The following AUH variants were observed in gnomAD, a reference collection of about 807,000 sequenced individuals.
AUH encodes AU RNA binding methylglutaconyl-CoA hydratase, also known as methylglutaconyl-CoA hydratase, mitochondrial.
A neutral mutation model predicts 42.3 loss-of-function variants in AUH; 29 were observed. That is an observed-to-expected ratio of 0.69 (90% CI 0.51 to 0.93). AUH has a LOEUF of 0.93. AUH is among the 40% of genes least tolerant of loss of function. AUH has a pLI of 0.00. For missense variants in AUH, 452 were observed against 438.1 expected (o/e 1.03, Z -0.28); for synonymous variants, 174 against 166.4 (o/e 1.05, Z -0.35).
chr9:91,312,112 G>T (rs1461366059), intron 4 of AUH, among the ~76,000 whole-genome samples: 1 of 151,748 alleles, frequency 6.6e-6, no homozygotes, highest in Non-Finnish European at 1.5e-5. Context: ...AGTAAATTTA[G>T]TGACTCTGAA....
rs1487098644 is a variant in AUH, at chr9:91,213,901, T to C, written c.*447A>G. 6.3e-6 allele frequency: 1 copy of C among 157,518 alleles called. No homozygotes were observed. The highest frequency in any genetic ancestry group is 2.4e-5 in the African/African-American group (1 of 41,500). The allele number at this position is 157,518 out of a possible 1,614,324, so 9.8% of individuals were successfully genotyped here. On this transcript the variant is annotated 3_prime_UTR_variant, in exon 10 of 10. Transcript: ENST00000375731. ...TTCATTTTTCAGGTTTAGATATATG[T>C]ATATGTAGCTGTTCGTATGCATTAA...
At chr9:91,217,187 T>G in intron 8 of AUH, 90 bp downstream of exon 8, 1 of 1,374,830 alleles carries the variant, frequency 7.3e-7, no homozygotes, top group South Asian at 1.2e-5. Flanking sequence ...TTTAGAACTT[T>G]AAAAAAAATG....
Position 91,357,161 on chromosome 9 carries a change from T to A in AUH, c.263-1006A>T, listed in dbSNP as rs567148762. ...TCTGACAGGATCTGTATTAAACAGC[T>A]GAATGACTTTGGGTAGGTCCCAATA... On this transcript the variant is annotated intron_variant, in intron 1 of 9. Coordinates refer to ENST00000375731, the MANE Select transcript of AUH (RefSeq NM_001698.3). Among the ~76,000 whole-genome samples, 81 of 152,332 alleles carry A rather than the reference T, an allele frequency of 5.3e-4. 1 individual carries two copies. Among genetic ancestry groups the A allele is most frequent in the Admixed American group, 5.2e-3 (80 of 15,298 alleles).
chr9:91,344,237 A>G (rs900925601), intron 3 of AUH, among the ~76,000 whole-genome samples: 1 of 152,218 alleles, frequency 6.6e-6, no homozygotes, highest in Non-Finnish European at 1.5e-5. Context: ...ACTGCCTTTC[A>G]CTGATTCCAG....
intron 4 of AUH, among the ~76,000 whole-genome samples, chr9:91,308,034 G>A (rs575880437): frequency 6.6e-6 from 1 of 152,190 alleles, no homozygotes; most frequent in African/African-American, 2.4e-5. Flanking sequence ...AAAATACAAC[G>A]CTTAACATTA....
chr9:91,265,634 C>G (rs568148730), intron 6 of AUH, among the ~76,000 whole-genome samples: 1 of 152,268 alleles, frequency 6.6e-6, no homozygotes, highest in East Asian at 1.9e-4. Flanking sequence ...GCAGGCTTTA[C>G]TTGATATGAA....
intron 6 of AUH, among the ~76,000 whole-genome samples, chr9:91,290,762 C>T (rs34805232): frequency 0.083 from 12,668 of 152,160 alleles, 741 homozygotes; most frequent in Admixed American, 0.12. Context: ...TGCTCTCTAT[C>T]TTCTGGTAGT....
intron 4 of AUH, among the ~76,000 whole-genome samples, chr9:91,319,384 G>A (rs561064066): frequency 1.3e-5 from 2 of 152,308 alleles, no homozygotes; most frequent in East Asian, 3.9e-4. Context: ...GACACGAGCA[G>A]AGTTGGAAAG....
chr9:91,239,161 T>TTC (rs1443761439), intron 6 of AUH, among the ~76,000 whole-genome samples: 2 of 151,256 alleles, frequency 1.3e-5, no homozygotes, highest in African/African-American at 4.8e-5. Context: ...GTTCTGTTTT[T>TTC]TTTTTTTATC....
chr9:91,296,002 G>A lies in AUH; in HGVS notation c.655+19C>T, dbSNP rs1439665281. The A allele has an allele frequency of 1.2e-6, 2 of 1,613,650 alleles. No individual in the cohort carries two copies. The highest frequency in any genetic ancestry group is 2.2e-5 in the East Asian group (1 of 44,822). The stretch of plus-strand genomic sequence containing the variant: ...GGACCAAATCAAGGATTTGAGGAAT[G>A]GGCGTGAACTACTCATACCTCCACC... On this transcript the variant is annotated intron_variant, in intron 6 of 9. Coordinates refer to ENST00000375731, the MANE Select transcript of AUH (RefSeq NM_001698.3).
chr9:91,274,699 A>T lies in AUH; in HGVS notation c.655+21322T>A, dbSNP rs555169702. On this transcript the variant is annotated intron_variant, in intron 6 of 9. Transcript: ENST00000375731. ...AAATAAATCTTTATGTAGGTTAACA[A>T]CAACAAGATGAAAGTGAACTTCAGA... Among the ~76,000 whole-genome samples, 65 of 152,340 alleles carry T rather than the reference A, an allele frequency of 4.3e-4. 1 individual carries two copies. Among genetic ancestry groups the T allele is most frequent in the African/African-American group, 1.5e-3 (62 of 41,578 alleles).
At chr9:91,349,381 A>G (rs190873621) in intron 3 of AUH, among the ~76,000 whole-genome samples, 18 of 152,374 alleles carry the variant, frequency 1.2e-4, no homozygotes, top group Non-Finnish European at 2.1e-4. Context: ...AAATTTCAAA[A>G]GAAAAAATCC....
intron 3 of AUH, among the ~76,000 whole-genome samples, chr9:91,329,957 C>T (rs1481397012): frequency 1.3e-5 from 2 of 152,044 alleles, no homozygotes; most frequent in African/African-American, 4.8e-5. Flanking sequence ...AGGGTGTTCC[C>T]TAACACTTTT....
chr9:91,217,247 C>G (rs1463628458), intron 8 of AUH, 30 bp downstream of exon 8: 2 of 1,606,234 alleles, frequency 1.2e-6, no homozygotes, highest in African/African-American at 2.7e-5. Context: ...TCTCCATTCC[C>G]AAAACAAACT....
At chr9:91,263,275 G>A (rs1304965169) in intron 6 of AUH, among the ~76,000 whole-genome samples, 1 of 152,168 alleles carries the variant, frequency 6.6e-6, no homozygotes, top group African/African-American at 2.4e-5. Context: ...ATTCAGGGCT[G>A]AATTTCACAC....
intron 6 of AUH, among the ~76,000 whole-genome samples, chr9:91,223,557 CCTG>C (rs796121787): frequency 5.9e-5 from 9 of 152,162 alleles, no homozygotes; most frequent in African/African-American, 2.2e-4. Flanking sequence ...TCTTCAAGAC[CCTG>C]CTTTCAATTC....
chr9:91,338,966 T>C (rs1830903045), intron 3 of AUH, among the ~76,000 whole-genome samples: 1 of 152,186 alleles, frequency 6.6e-6, no homozygotes, highest in Non-Finnish European at 1.5e-5. Context: ...ACCATATTAA[T>C]ATTTCATATA....
At chr9:91,242,589 G>C (rs1828581524) in intron 6 of AUH, among the ~76,000 whole-genome samples, 1 of 152,198 alleles carries the variant, frequency 6.6e-6, no homozygotes, top group East Asian at 1.9e-4. Flanking sequence ...AGTCAGAAGT[G>C]AAGGAAGTGA....
chr9:91,289,766 T>TA (rs1023996829), intron 6 of AUH, among the ~76,000 whole-genome samples: 3 of 151,872 alleles, frequency 2.0e-5, no homozygotes, highest in African/African-American at 4.8e-5. Context: ...TATCTATGGA[T>TA]AAAAAATCTT....
Sources: allele counts gnomAD v4.1 joint callset (sites outside exome capture counted in the v4.1 genomes callset), GRCh38; gene constraint gnomAD v4.1.1; transcripts MANE v1.5; gene names NCBI Gene and HGNC (gene_info 2026-07-23, HGNC 2026-07-21).